ABCC3: variants seen among roughly 807,000 people sequenced by gnomAD.
ABCC3 encodes ATP binding cassette subfamily C member 3.
Under a neutral mutation model 165.3 loss-of-function variants are expected in ABCC3, and 121 were observed. That is an observed-to-expected ratio of 0.73 (90% confidence interval 0.63 to 0.85). The LOEUF (loss-of-function observed/expected upper bound fraction) is 0.85. Among genes scored for constraint, ABCC3 ranks in the 40% least tolerant of loss-of-function variants. The pLI is 0.00. For synonymous variants in ABCC3, 733 were observed against 810.1 expected, an observed-to-expected ratio of 0.90 and a Z score of 1.62; for missense variants, 1,869 against 1,964.1, an observed-to-expected ratio of 0.95 and a Z score of 0.92.
chr17:50,675,905 A>G lies in ABCC3; in HGVS notation c.2882A>G (p.Asp961Gly), dbSNP rs201630957. The change falls in exon 22 of 31, where the codon GAT becomes GGT. Residue 961 changes from aspartate (D) to glycine (G), a missense_variant. Asp to Gly is a moderately conservative substitution (Grantham distance 94). Transcript: ENST00000285238. Reference sequence around the variant, plus strand: ...CAGGTGGAGCTCAGTGTGTTCTGGGATTATGCCAAGGCCGTGGGGCTCTGT... The same window carrying G: ...CAGGTGGAGCTCAGTGTGTTCTGGGGTTATGCCAAGGCCGTGGGGCTCTGT... ...IGTVELSVFW[D>G]YAKAVGLCTT... is the part of the protein sequence containing the mutation. 4.5e-5 allele frequency: 72 copies of G among 1,614,088 alleles called. 1 individual carries two copies. In the Admixed American group the frequency reaches 1.2e-3, roughly 27 times the overall value.
intron 19 of ABCC3, among the ~76,000 whole-genome samples, chr17:50,673,900 T>TTTTTCTTTCTTTC (rs1555595307): frequency 1.1e-4 from 15 of 131,626 alleles, no homozygotes; most frequent in Non-Finnish European, 1.7e-4. Flanking sequence ...TCAGAGCCTG[T>TTTTTCTTTCTTTC]TTTCTTTCTT....
In ABCC3 at chr17:50,673,016, C is replaced by G. The variant is rs770699096; in HGVS notation, c.2287C>G (p.Arg763Gly). The stretch of plus-strand genomic sequence containing the variant: ...CCAGCGGCAGCGGGTCAGTCTGGCT[C>G]GAGCTGTTTACAGTGATGCCGATAT... ...GGQRQRVSLARAVYSDADIFL... is the reference protein window; with the variant it reads ...GGQRQRVSLAGAVYSDADIFL... Residue 763 changes from arginine to glycine, a missense_variant, in exon 18 of 31, where the codon CGA (arginine) becomes GGA (glycine). By Grantham distance (125) the Arg-to-Gly change is moderately radical. Coordinates refer to ENST00000285238, the MANE Select transcript of ABCC3 (RefSeq NM_003786.4). The G allele has an allele frequency of 1.2e-6, 2 of 1,613,980 alleles. No homozygotes were observed. The highest frequency in any genetic ancestry group is 2.7e-5 in the African/African-American group (2 of 74,906).
chr17:50,684,188 A>G, intron 28 of ABCC3, 81 bp downstream of exon 28: 1 of 1,526,778 alleles, frequency 6.5e-7, no homozygotes, highest in Non-Finnish European at 8.8e-7. Context: ...TTTAGGATGG[A>G]GACTGGGACC....
intron 3 of ABCC3, 86 bp from the exon 4 acceptor site, chr17:50,656,960 A>C: frequency 6.4e-7 from 1 of 1,555,646 alleles, no homozygotes; most frequent in Non-Finnish European, 8.7e-7. Flanking sequence ...TGGCCCCAGA[A>C]ACTTCTGGCC....
In ABCC3 at chr17:50,658,150, C is replaced by T. The variant is rs756194691; in HGVS notation, c.555C>T (p.Leu185=). The T allele has an allele frequency of 4.3e-6, 7 of 1,614,116 alleles. No homozygotes were observed. Among genetic ancestry groups the T allele is most frequent in the Non-Finnish European group, 5.9e-6 (7 of 1,180,040 alleles). The change falls in exon 5 of 31, where the codon CTC becomes CTT. Residue 185 remains leucine (L), a synonymous_variant. Coordinates refer to ENST00000285238, the MANE Select transcript of ABCC3 (RefSeq NM_003786.4). The stretch of plus-strand genomic sequence containing the variant: ...ACTTTGCCCTGGTACTCTCTGCCCT[C>T]ATCTTGGCCTGCTTCAGGGAGAAAC... ...YIHFALVLSA[L]ILACFREKPP... is the part of the protein sequence containing the mutation.
chr17:50,683,524 T>A, intron 26 of ABCC3, 86 bp from the exon 27 acceptor site: 1 of 1,404,970 alleles, frequency 7.1e-7, no homozygotes, highest in Non-Finnish European at 9.3e-7. Context: ...TTGGGGAGGA[T>A]TGAGGGGCCT....
At chr17:50,683,794 G>T (rs1479951700) in intron 27 of ABCC3, 38 bp downstream of exon 27, 1 of 1,586,840 alleles carries the variant, frequency 6.3e-7, no homozygotes. Flanking sequence ...GTGTGTTCAT[G>T]CCTGCAGACA....
chr17:50,635,810 G>A (rs1358420727), intron 1 of ABCC3: 1 of 571,356 alleles, frequency 1.8e-6, no homozygotes. Context: ...TTCAGCCCAG[G>A]AGTTTTAGAT....
chr17:50,673,984 C>CCTTCCTTCCTTCCTTCCT (rs1967730159), intron 19 of ABCC3, among the ~76,000 whole-genome samples: 8 of 11,548 alleles, frequency 6.9e-4, no homozygotes, highest in African/African-American at 1.1e-3. Context: ...TTCTTTCTCT[C>CCTTCCTTCCTTCCTTCCT]TCTCTCTCTC....
intron 1 of ABCC3, chr17:50,635,252 C>G (rs1467628663): frequency 1.6e-6 from 1 of 627,952 alleles, no homozygotes; most frequent in Admixed American, 2.6e-5. Flanking sequence ...GAGTGCGCGG[C>G]TGGGGCGCAA....
At chr17:50,648,588 A>G (rs1045779773) in intron 1 of ABCC3, among the ~76,000 whole-genome samples, 8 of 152,204 alleles carry the variant, frequency 5.3e-5, no homozygotes, top group African/African-American at 1.4e-4. Flanking sequence ...CTAAAGGACC[A>G]GGTTCCTACT....
chr17:50,640,994 G>A (rs1266740636), intron 1 of ABCC3, among the ~76,000 whole-genome samples: 1 of 152,158 alleles, frequency 6.6e-6, no homozygotes, highest in East Asian at 1.9e-4. Context: ...TACCACACAG[G>A]AATAGGGAAG....
At chr17:50,644,298 C>G (rs4423465) in intron 1 of ABCC3, among the ~76,000 whole-genome samples, 62,033 of 117,632 alleles carry the variant, frequency 0.53, 16,351 homozygotes, top group Non-Finnish European at 0.59. Context: ...GTGACAGAGC[C>G]AGACTCCGTC....
chr17:50,669,397 A>T lies in ABCC3; in HGVS notation c.2110A>T (p.Thr704Ser). ...VPQQAWIQNC[T>S]LQENVLFGKA... ...CCAGCAGGCATGGATCCAGAACTGC[A>T]CTCTTCAGGAAAACGTGCTTTTCGG... The change falls in exon 17 of 31, where the codon ACT becomes TCT. Residue 704 changes from threonine (T) to serine (S), a missense_variant. Thr to Ser is a moderately conservative substitution (Grantham distance 58). Transcript: ENST00000285238. 6.2e-7 allele frequency: 1 copy of T among 1,614,158 alleles called. No homozygotes were observed. The highest frequency in any genetic ancestry group is 1.1e-5 in the South Asian group (1 of 91,080).
Position 50,683,679 on chromosome 17 carries a change from A to G in ABCC3, c.3877A>G (p.Asn1293Asp). 6.2e-7 allele frequency: 1 copy of G among 1,605,988 alleles called. No individual in the cohort carries two copies. The change falls in exon 27 of 31, where the codon AAT becomes GAT. Residue 1293 changes from asparagine (N) to aspartate (D), a missense_variant. Transcript: ENST00000285238. ...CCCACGTGGGGAGGTGGAGTTCCGG[A>G]ATTATTCTGTGCGCTACCGGCCGGG... ...WPPRGEVEFR[N>D]YSVRYRPGLD...
At chr17:50,686,325 G>A (rs1382749145) in intron 29 of ABCC3, among the ~76,000 whole-genome samples, 6 of 152,146 alleles carry the variant, frequency 3.9e-5, no homozygotes, top group South Asian at 2.1e-4. Flanking sequence ...TGATTTCCTC[G>A]CAGCAGTTCA....
At chr17:50,658,021 G>A in intron 4 of ABCC3, 61 bp from the exon 5 acceptor site, 1 of 1,611,236 alleles carries the variant, frequency 6.2e-7, no homozygotes, top group Non-Finnish European at 8.5e-7. Flanking sequence ...ACTCCGCAGG[G>A]CAGGGGCTGC....
rs772360074 is a variant in ABCC3, at chr17:50,677,963, G to A, written c.3578+20G>A. The A allele has an allele frequency of 9.3e-6, 15 of 1,613,942 alleles. No homozygotes were observed. Among genetic ancestry groups the A allele is most frequent in the Middle Eastern group, 1.6e-4 (1 of 6,062 alleles). On this transcript the variant is annotated intron_variant, in intron 24 of 30. Coordinates refer to ENST00000285238, the MANE Select transcript of ABCC3 (RefSeq NM_003786.4). ...CAACCGGTCAGAAGCCGCCTCCCTC[G>A]CTCCCTGCTCCTCCAGGAATTCCCA...
chr17:50,684,618 C>A (rs1967989743), intron 28 of ABCC3, 91 bp from the exon 29 acceptor site: 1 of 1,396,626 alleles, frequency 7.2e-7, no homozygotes, highest in Non-Finnish European at 9.7e-7. Flanking sequence ...AATGCTGCCA[C>A]CTTAATCCCT....
Sources: gnomAD v4.1 joint callset for allele counts (sites outside exome capture counted in the v4.1 genomes callset) on GRCh38, gnomAD v4.1.1 for gene constraint, MANE v1.5 for transcripts, NCBI Gene and HGNC (gene_info 2026-07-23, HGNC 2026-07-21) for gene names.